UTRN: variants seen among roughly 807,000 people sequenced by gnomAD.
The protein encoded by UTRN is dystrophin-related protein 1.
UTRN carries 283 observed loss-of-function variants against 463.9 expected under a neutral mutation model. That is an observed-to-expected ratio of 0.61 (90% CI 0.55 to 0.67). UTRN has a LOEUF of 0.67. UTRN is among the 30% of genes least tolerant of loss of function. The pLI, the probability that UTRN is intolerant of heterozygous loss-of-function variation, is 0.00. For synonymous variants in UTRN, 1,442 were observed against 1,431.5 expected (o/e 1.01, Z -0.17); for missense variants, 3,922 against 4,084.3 (o/e 0.96, Z 1.08).
At position 144,682,027 on chromosome 6, in the gene UTRN, T is replaced by C. The variant is rs1782254291; in HGVS notation, c.7652+3449T>C. On this transcript the variant is annotated intron_variant, in intron 52 of 74. Coordinates refer to ENST00000367545, the MANE Select transcript of UTRN (RefSeq NM_007124.3). The stretch of plus-strand genomic sequence containing the variant: ...TTTTAGTTATTTTAAAATGTACAAC[T>C]AAGTTATTATTGACTATAATCACCC... 2.0e-5 allele frequency among the ~76,000 whole-genome samples: 3 copies of C among 152,324 alleles called. No homozygotes were observed. In the South Asian group the frequency reaches 6.2e-4, roughly 32 times the overall value.
intron 35 of UTRN, among the ~76,000 whole-genome samples, chr6:144,512,613 GTA>G (rs1162271117): frequency 6.6e-6 from 1 of 151,428 alleles, no homozygotes; most frequent in African/African-American, 2.4e-5. Flanking sequence ...GAGTGCAGTG[GTA>G]TGCAACCTCG....
At chr6:144,433,554 C>T (rs533993536) in intron 9 of UTRN, among the ~76,000 whole-genome samples, 155 of 149,998 alleles carry the variant, frequency 1.0e-3, no homozygotes, top group Non-Finnish European at 1.5e-3. Context: ...GATGGGGCGG[C>T]TGCCGGGCGG....
intron 25 of UTRN, among the ~76,000 whole-genome samples, chr6:144,477,665 T>G (rs1396758837): frequency 1.3e-5 from 2 of 152,282 alleles, no homozygotes; most frequent in African/African-American, 2.4e-5. Context: ...GAAGGCATTC[T>G]TCTGCAAAAC....
intron 23 of UTRN, among the ~76,000 whole-genome samples, chr6:144,471,249 C>T (rs1790628465): frequency 6.6e-6 from 1 of 152,042 alleles, no homozygotes; most frequent in South Asian, 2.1e-4. Flanking sequence ...GCTGTTGAGG[C>T]CATAAAACTT....
intron 53 of UTRN, among the ~76,000 whole-genome samples, chr6:144,712,643 T>A (rs1785856388): frequency 6.6e-6 from 1 of 152,222 alleles, no homozygotes; most frequent in Non-Finnish European, 1.5e-5. Flanking sequence ...AAGACTATTT[T>A]TGCAATCATG....
intron 51 of UTRN, among the ~76,000 whole-genome samples, chr6:144,661,929 G>T (rs1779907152): frequency 6.6e-6 from 1 of 152,048 alleles, no homozygotes; most frequent in African/African-American, 2.4e-5. Flanking sequence ...TATTTTAGTA[G>T]TTGAATTGAC....
intron 50 of UTRN, among the ~76,000 whole-genome samples, chr6:144,568,813 C>G (rs1230631755): frequency 1.3e-5 from 2 of 152,082 alleles, no homozygotes; most frequent in East Asian, 3.9e-4. Flanking sequence ...TGATCCAGTA[C>G]AAGCCCCTTA....
intron 51 of UTRN, among the ~76,000 whole-genome samples, chr6:144,642,523 C>T (rs957600551): frequency 1.3e-5 from 2 of 152,168 alleles, no homozygotes; most frequent in African/African-American, 4.8e-5. Flanking sequence ...GGCTCCATTC[C>T]TCCTGTTTTG....
intron 46 of UTRN, among the ~76,000 whole-genome samples, chr6:144,548,108 A>G (rs916550543): frequency 6.6e-6 from 1 of 152,212 alleles, no homozygotes; most frequent in African/African-American, 2.4e-5. Context: ...GAGATCAGAA[A>G]TGTGCAAAAT....
At chr6:144,696,500 C>A (rs552852975) in intron 52 of UTRN, among the ~76,000 whole-genome samples, 2 of 152,162 alleles carry the variant, frequency 1.3e-5, no homozygotes, top group Non-Finnish European at 2.9e-5. Context: ...TTTTCAGCAC[C>A]GTCAGACTGA....
At chr6:144,677,398 G>C (rs746481904) in intron 51 of UTRN, among the ~76,000 whole-genome samples, 1 of 152,074 alleles carries the variant, frequency 6.6e-6, no homozygotes, top group Non-Finnish European at 1.5e-5. Flanking sequence ...TAGTTGCTGA[G>C]GATGATGGTT....
At chr6:144,325,512 A>G (rs2114593527) in intron 2 of UTRN, among the ~76,000 whole-genome samples, 1 of 152,318 alleles carries the variant, frequency 6.6e-6, no homozygotes, top group African/African-American at 2.4e-5. Context: ...TGTTCATTAT[A>G]AATTACCCAG....
intron 13 of UTRN, among the ~76,000 whole-genome samples, chr6:144,441,829 C>A (rs768134405): frequency 6.6e-6 from 1 of 152,224 alleles, no homozygotes; most frequent in Non-Finnish European, 1.5e-5. Flanking sequence ...AACCTCAATT[C>A]TTGACTTCTG....
At chr6:144,625,462 T>C (rs1342685752) in intron 51 of UTRN, among the ~76,000 whole-genome samples, 5 of 152,246 alleles carry the variant, frequency 3.3e-5, no homozygotes, top group Non-Finnish European at 7.3e-5. Flanking sequence ...CTGCGACTTC[T>C]TGACTTTGTT....
In UTRN at chr6:144,462,806, C is replaced by A; in HGVS notation, c.3006C>A (p.Val1002=). 1 of 1,610,086 alleles carries A rather than the reference C, an allele frequency of 6.2e-7. No homozygotes were observed. Among genetic ancestry groups the A allele is most frequent in the South Asian group, 1.1e-5 (1 of 89,338 alleles). ...AAGGAAAGTGGAACAAGCTAAAGGT[C>A]TTGGTTTCCAAAGATCTACATTTGC... The part of the protein sequence containing the change: ...DVQGKWNKLK[V]LVSKDLHLLE... Residue 1002 remains valine (V), a synonymous_variant, in exon 23 of 75, where the codon GTC becomes GTA. Coordinates refer to ENST00000367545, the MANE Select transcript of UTRN (RefSeq NM_007124.3).
chr6:144,611,257 A>C (rs1562647167), intron 51 of UTRN, among the ~76,000 whole-genome samples: 1 of 152,216 alleles, frequency 6.6e-6, no homozygotes, highest in Non-Finnish European at 1.5e-5. Flanking sequence ...TTTAGCTAAC[A>C]TCATTCCCAG....
In UTRN at chr6:144,437,871, CTT is replaced by C. The variant is rs1396115492; in HGVS notation, c.1241+128_1241+129del. ...GAACTTGCCTTGGAAAAGTAAGACT[CTT>C]TTCTACGGGTAATATTGCTGGAATT... On this transcript the variant is annotated intron_variant, in intron 11 of 74. Transcript: ENST00000367545. The C allele has an allele frequency of 4.3e-6, 4 of 931,888 alleles. No individual in the cohort carries two copies. In the African/African-American group the frequency reaches 6.8e-5, roughly 16 times the overall value. The allele number at this position is 931,888 out of a possible 1,614,324, so 57.7% of individuals were successfully genotyped here.
At chr6:144,711,223 G>A (rs1248478128) in intron 53 of UTRN, among the ~76,000 whole-genome samples, 1 of 151,980 alleles carries the variant, frequency 6.6e-6, no homozygotes, top group African/African-American at 2.4e-5. Flanking sequence ...GACTGAGGCA[G>A]TAGAATCGCT....
At chr6:144,585,318 T>C (rs1802362792) in intron 51 of UTRN, among the ~76,000 whole-genome samples, 1 of 152,146 alleles carries the variant, frequency 6.6e-6, no homozygotes, top group African/African-American at 2.4e-5. Flanking sequence ...CATTATTTGC[T>C]GTTGAAATAC....
Sources: allele counts gnomAD v4.1 joint callset (sites outside exome capture counted in the v4.1 genomes callset), GRCh38; gene constraint gnomAD v4.1.1; transcripts MANE v1.5; gene names NCBI Gene and HGNC (gene_info 2026-07-23, HGNC 2026-07-21).